The following FRMPD4 variants were observed in gnomAD, a reference collection of about 807,000 sequenced individuals.
FRMPD4 encodes FERM and PDZ domain-containing protein 4.
FRMPD4 carries 22 observed loss-of-function variants against 94.1 expected under a neutral mutation model. The observed-to-expected ratio is 0.23, with a 90% CI of 0.17 to 0.33. The LOEUF is 0.33. FRMPD4 is among the 10% of genes least tolerant of loss of function. The probability of loss-of-function intolerance (pLI) is 1.00; values close to 1 mark genes in which losing one functional copy is unlikely to be tolerated. For synonymous variants in FRMPD4, 631 were observed against 548.6 expected (o/e 1.15, Z -2.10); for missense variants, 1,111 against 1,339.9 (o/e 0.83, Z 2.67).
intron 1 of FRMPD4, among the ~76,000 whole-genome samples, chrX:12,190,130 A>T (rs2056473227): frequency 9.0e-6 from 1 of 111,575 alleles, no homozygotes. Flanking sequence ...CCAAAGAAAT[A>T]AACACTTATA....
At chrX:12,714,172 C>T (rs2042038115) in intron 14 of FRMPD4, among the ~76,000 whole-genome samples, 1 of 112,206 alleles carries the variant, frequency 8.9e-6, no homozygotes, top group Non-Finnish European at 1.9e-5. Flanking sequence ...GGAACAAATT[C>T]TTACAAACTT....
At chrX:12,044,305 C>T (rs2054773746) in intron 3 of FRMPD4, among the ~76,000 whole-genome samples, 1 of 112,345 alleles carries the variant, frequency 8.9e-6, no homozygotes, top group South Asian at 3.7e-4. Context: ...TTAACTCTGT[C>T]AGTTCATCCT....
rs1217125126 is a variant in FRMPD4 at position 12,235,344 on chromosome X, C to G, written c.41+96332C>G. Reference sequence around the variant, plus strand: ...TGAAATAGTCTCTCCTCTTACAAACCTAAATTTAATTGTAGCTAATGGTAG... The same window carrying G: ...TGAAATAGTCTCTCCTCTTACAAACGTAAATTTAATTGTAGCTAATGGTAG... On this transcript the variant is annotated intron_variant, in intron 1 of 16. Transcript: ENST00000675598. Among the ~76,000 whole-genome samples the G allele has an allele frequency of 4.5e-5, 5 of 112,025 alleles. No individual in the cohort carries two copies. The Admixed American group carries it at 4.7e-4, about 11-fold the overall frequency.
intron 1 of FRMPD4, among the ~76,000 whole-genome samples, chrX:12,433,636 G>A (rs966113933): frequency 4.5e-5 from 5 of 112,214 alleles, no homozygotes; most frequent in South Asian, 3.7e-4. Context: ...ATGAGGGCCC[G>A]TACAGGTACA....
intron 1 of FRMPD4, among the ~76,000 whole-genome samples, chrX:12,164,600 G>C (rs185062450): frequency 0.057 from 6,411 of 111,669 alleles, 447 homozygotes; most frequent in African/African-American, 0.2. Context: ...ATTTCTAGTT[G>C]TAGATCCCTG....
chrX:12,496,569 G>A (rs2057851812), intron 1 of FRMPD4, among the ~76,000 whole-genome samples: 1 of 112,237 alleles, frequency 8.9e-6, no homozygotes, highest in Admixed American at 9.4e-5. Flanking sequence ...ATAGGAACCG[G>A]AGCCAAATCC....
At chrX:12,128,361 G>A (rs1254892178) in intron 3 of FRMPD4, among the ~76,000 whole-genome samples, 1 of 104,521 alleles carries the variant, frequency 9.6e-6, no homozygotes, top group African/African-American at 3.7e-5. Context: ...TGAAGTAATG[G>A]CCTGAGCTAT....
chrX:12,262,711 A>G (rs2054211145), intron 1 of FRMPD4, among the ~76,000 whole-genome samples: 1 of 111,820 alleles, frequency 8.9e-6, no homozygotes, highest in Non-Finnish European at 1.9e-5. Context: ...AATTGCAGCT[A>G]TGTCACTTAG....
At chrX:12,251,374 C>T (rs1205838891) in intron 1 of FRMPD4, among the ~76,000 whole-genome samples, 1 of 112,136 alleles carries the variant, frequency 8.9e-6, no homozygotes, top group African/African-American at 3.2e-5. Context: ...CTTTGTTGAA[C>T]GAATAGAAAG....
chrX:12,308,534 G>A (rs957634028), intron 1 of FRMPD4, among the ~76,000 whole-genome samples: 9 of 111,346 alleles, frequency 8.1e-5, no homozygotes, highest in South Asian at 3.9e-4. Flanking sequence ...GCTGTGCTCC[G>A]GGCTTGTGCA....
At chrX:11,868,032 T>G (rs766302947) in intron 2 of FRMPD4, among the ~76,000 whole-genome samples, 1 of 111,901 alleles carries the variant, frequency 8.9e-6, no homozygotes, top group South Asian at 3.8e-4. Flanking sequence ...ATTTATTTTA[T>G]TTTTTTCACA....
At chrX:12,091,923 T>C (rs1257576590) in intron 3 of FRMPD4, among the ~76,000 whole-genome samples, 1 of 111,638 alleles carries the variant, frequency 9.0e-6, no homozygotes, top group African/African-American at 3.3e-5. Flanking sequence ...TCTTACTGCC[T>C]CCTAGGTAGC....
intron 1 of FRMPD4, among the ~76,000 whole-genome samples, chrX:12,277,354 T>C (rs758742078): frequency 1.8e-5 from 2 of 111,865 alleles, no homozygotes; most frequent in African/African-American, 6.5e-5. Flanking sequence ...GGAGCCCTCA[T>C]AGGAAATGAA....
chrX:12,247,170 G>T (rs2053968944), intron 1 of FRMPD4, among the ~76,000 whole-genome samples: 1 of 111,540 alleles, frequency 9.0e-6, no homozygotes, highest in South Asian at 3.8e-4. Context: ...GCATTGTAGG[G>T]TGTCTGGCAG....
chrX:12,320,350 G>A (rs1281107233), intron 1 of FRMPD4, among the ~76,000 whole-genome samples: 2 of 110,923 alleles, frequency 1.8e-5, no homozygotes, highest in Non-Finnish European at 3.8e-5. Context: ...ATTGAAAACT[G>A]GAACTCCCCA....
At chrX:12,609,481 G>A (rs2059159986) in intron 2 of FRMPD4, among the ~76,000 whole-genome samples, 1 of 111,775 alleles carries the variant, frequency 8.9e-6, no homozygotes, top group South Asian at 3.8e-4. Flanking sequence ...AGCGAGGTGA[G>A]GCTGGGCCAT....
chrX:12,640,752 G>A (rs920692447), intron 4 of FRMPD4, among the ~76,000 whole-genome samples: 7 of 111,946 alleles, frequency 6.3e-5, no homozygotes, highest in African/African-American at 2.3e-4. Context: ...ACTTCTTAGA[G>A]TCTTCTTTCC....
chrX:12,498,651 AAT>A, intron 1 of FRMPD4, 27 bp from the exon 2 acceptor site: 10 of 818,097 alleles, frequency 1.2e-5, no homozygotes, highest in Non-Finnish European at 1.9e-5. Flanking sequence ...AGTCAGGTGT[AAT>A]GATGCTTTTT....
Position 12,473,096 on chromosome X carries a change from C to T in FRMPD4, c.42-25584C>T, listed in dbSNP as rs1435854618. 1.2e-3 allele frequency among the ~76,000 whole-genome samples: 131 copies of T among 111,021 alleles called. 3 individuals are homozygous for T. The highest frequency in any genetic ancestry group is 4.0e-3 in the African/African-American group (117 of 29,541). ...AGGTTACCCACAAAGGGAAGCCCATCAGACTAACAGCTGATCTCTCGGCAG... is the reference window on the plus strand; with the variant it reads ...AGGTTACCCACAAAGGGAAGCCCATTAGACTAACAGCTGATCTCTCGGCAG... On this transcript the variant is annotated intron_variant, in intron 1 of 16. Coordinates refer to ENST00000675598, the MANE Select transcript of FRMPD4 (RefSeq NM_001368397.1).
Sources: gnomAD v4.1 joint callset for allele counts (sites outside exome capture counted in the v4.1 genomes callset) on GRCh38, gnomAD v4.1.1 for gene constraint, MANE v1.5 for transcripts, NCBI Gene and HGNC (gene_info 2026-07-23, HGNC 2026-07-21) for gene names.